CAB39L: variants seen among roughly 807,000 people sequenced by gnomAD.
CAB39L encodes the protein calcium binding protein 39 like.
A neutral mutation model predicts 39.1 loss-of-function variants in CAB39L; 23 were observed. The observed-to-expected ratio is 0.59, with a 90% CI of 0.42 to 0.83. The LOEUF (loss-of-function observed/expected upper bound fraction) is 0.83. Among genes scored for constraint, CAB39L ranks in the 40% least tolerant of loss-of-function variants. The pLI, the probability that CAB39L is intolerant of heterozygous loss-of-function variation, is 0.00. For synonymous variants in CAB39L, 126 were observed against 137.2 expected, an observed-to-expected ratio of 0.92 and a Z score of 0.57; for missense variants, 366 against 391.9, an observed-to-expected ratio of 0.93 and a Z score of 0.56.
intron 6 of CAB39L, among the ~76,000 whole-genome samples, chr13:49,353,966 T>G (rs926761982): frequency 6.6e-6 from 1 of 152,218 alleles, no homozygotes; most frequent in Non-Finnish European, 1.5e-5. Context: ...GTCTTAATAC[T>G]AGAGTACTCT....
chr13:49,314,006 C>A (rs1174258425), intron 10 of CAB39L, among the ~76,000 whole-genome samples: 1 of 152,214 alleles, frequency 6.6e-6, no homozygotes, highest in East Asian at 1.9e-4. Context: ...GATGACATTA[C>A]ATTTCCGGGT....
At chr13:49,339,837 C>T (rs1954954766) in intron 8 of CAB39L, 95 bp from the exon 9 acceptor site, 36 of 1,288,698 alleles carry the variant, frequency 2.8e-5, no homozygotes, top group Non-Finnish European at 3.6e-5. Context: ...AAATTCCCAA[C>T]TTCTGGCCAT....
At chr13:49,435,586 C>T (rs979095268) in intron 1 of CAB39L, among the ~76,000 whole-genome samples, 11 of 152,106 alleles carry the variant, frequency 7.2e-5, no homozygotes, top group Admixed American at 2.6e-4. Context: ...CTGCAGCCTC[C>T]GCCTCCCAGG....
rs34379188 is a variant in CAB39L, at chr13:49,349,455, CATATAT to C, written c.564+1283_564+1288del. 1.6e-3 allele frequency among the ~76,000 whole-genome samples: 233 copies of C among 141,806 alleles called. 1 individual carries two copies. Among genetic ancestry groups the C allele is most frequent in the African/African-American group, 5.5e-3 (213 of 38,878 alleles). 93.0% of individuals were successfully genotyped at this position (141,806 alleles called of 152,430 possible). A position where few individuals can be genotyped will look rare whatever the true frequency, so the allele number is the denominator to read the frequency against. Reference sequence around the variant, plus strand: ...GCTTTTGAAGAAATGAATCTGAATACATATATATATATATATATATATACATTTAAA... The same window carrying C: ...GCTTTTGAAGAAATGAATCTGAATACATATATATATATATATACATTTAAA... On this transcript the variant is annotated intron_variant, in intron 7 of 10. Coordinates refer to ENST00000409308, the MANE Select transcript of CAB39L (RefSeq NM_001079670.3).
intron 8 of CAB39L, among the ~76,000 whole-genome samples, chr13:49,342,493 G>A (rs946618158): frequency 6.6e-6 from 1 of 152,028 alleles, no homozygotes; most frequent in South Asian, 2.1e-4. Context: ...GAACTTCTTG[G>A]TTTAGGCATC....
chr13:49,389,162 G>A (rs1365713461), intron 3 of CAB39L, among the ~76,000 whole-genome samples: 4 of 152,140 alleles, frequency 2.6e-5, no homozygotes, highest in African/African-American at 9.7e-5. Context: ...CGGTGTGGAT[G>A]ATATGCCAAA....
intron 10 of CAB39L, among the ~76,000 whole-genome samples, chr13:49,316,706 G>C (rs563297893): frequency 6.6e-6 from 1 of 152,326 alleles, no homozygotes; most frequent in African/African-American, 2.4e-5. Context: ...CACATGTACT[G>C]GGTTAAACTG....
chr13:49,433,148 C>G (rs1282216482), intron 3 of CAB39L, among the ~76,000 whole-genome samples, 170 bp downstream of exon 3: 1 of 152,234 alleles, frequency 6.6e-6, no homozygotes, highest in East Asian at 1.9e-4. Flanking sequence ...TTCAGGCTCT[C>G]TAGTCTATCA....
intron 1 of CAB39L, among the ~76,000 whole-genome samples, chr13:49,438,969 T>A (rs1324704484): frequency 6.6e-6 from 1 of 152,230 alleles, no homozygotes; most frequent in Non-Finnish European, 1.5e-5. Context: ...GTATATTCAG[T>A]GTTACATAAA....
chr13:49,369,369 C>G (rs1298539390), intron 5 of CAB39L, among the ~76,000 whole-genome samples: 1 of 152,218 alleles, frequency 6.6e-6, no homozygotes, highest in Non-Finnish European at 1.5e-5. Flanking sequence ...CAATGGACTA[C>G]TACTCAGCAA....
intron 3 of CAB39L, among the ~76,000 whole-genome samples, chr13:49,420,764 T>C (rs1396248451): frequency 6.6e-6 from 1 of 152,222 alleles, no homozygotes; most frequent in Non-Finnish European, 1.5e-5. Context: ...TTAGAAATGC[T>C]AAGCATCAGT....
At chr13:49,443,565 C>T (rs1747358079) in intron 1 of CAB39L, among the ~76,000 whole-genome samples, 1 of 152,118 alleles carries the variant, frequency 6.6e-6, no homozygotes. Flanking sequence ...AGCTTTGCTC[C>T]TTTCTCAATC....
rs529886690 is a variant in CAB39L, at chr13:49,310,698, C to G, written c.*116G>C. ...ATACTCCATCTACCCAGAACAATTA[C>G]AGCAGAAAAAATAGGCACCTCCAAA... On this transcript the variant is annotated 3_prime_UTR_variant, in exon 11 of 11. Coordinates refer to ENST00000409308, the MANE Select transcript of CAB39L (RefSeq NM_001079670.3). 1.0e-6 allele frequency: 1 copy of G among 998,140 alleles called. No homozygotes were observed. The highest frequency in any genetic ancestry group is 2.4e-5 in the East Asian group (1 of 41,478). The allele number at this position is 998,140 out of a possible 1,614,324, so 61.8% of individuals were successfully genotyped here. A position where few individuals can be genotyped will look rare whatever the true frequency, so the allele number is the denominator to read the frequency against.
intron 3 of CAB39L, among the ~76,000 whole-genome samples, chr13:49,419,944 C>A (rs1011201808): frequency 1.3e-5 from 2 of 152,110 alleles, no homozygotes; most frequent in African/African-American, 4.8e-5. Flanking sequence ...TCAAAAGAAT[C>A]AATAAACAGT....
intron 3 of CAB39L, among the ~76,000 whole-genome samples, chr13:49,392,198 A>G (rs1956502719): frequency 6.6e-6 from 1 of 152,226 alleles, no homozygotes; most frequent in Non-Finnish European, 1.5e-5. Context: ...CAGTGTATGT[A>G]ATAGACATAA....
At chr13:49,348,717 C>T (rs899122306) in intron 7 of CAB39L, among the ~76,000 whole-genome samples, 2 of 152,210 alleles carry the variant, frequency 1.3e-5, no homozygotes, top group Non-Finnish European at 2.9e-5. Context: ...TATTCTCCCT[C>T]CAGAGTTCTT....
intron 3 of CAB39L, among the ~76,000 whole-genome samples, chr13:49,425,857 A>G (rs1011653676): frequency 6.6e-6 from 1 of 152,200 alleles, no homozygotes; most frequent in African/African-American, 2.4e-5. Context: ...TCCATCTTCC[A>G]GGTTCAGCCC....
intron 3 of CAB39L, among the ~76,000 whole-genome samples, chr13:49,430,716 T>C (rs886575197): frequency 4.6e-5 from 7 of 152,226 alleles, no homozygotes; most frequent in African/African-American, 7.2e-5. Context: ...AGGTGAGTTG[T>C]CTGGTCTCAG....
chr13:49,434,105 T>C lies in CAB39L; in HGVS notation c.-127A>G, dbSNP rs1957370082. Reference sequence around the variant, plus strand: ...ACTTACGCTTCTCTCCTTTAGTGCATTGCTCTTGCATGAAGAATGAACAAA... The same window carrying C: ...ACTTACGCTTCTCTCCTTTAGTGCACTGCTCTTGCATGAAGAATGAACAAA... On this transcript the variant is annotated 5_prime_UTR_variant, in exon 2 of 11. It removes an upstream start codon present in the reference 5' UTR. Coordinates refer to ENST00000409308, the MANE Select transcript of CAB39L (RefSeq NM_001079670.3). The C allele has an allele frequency of 2.2e-6, 1 of 455,662 alleles. No individual in the cohort carries two copies. 28.2% of individuals were successfully genotyped at this position (455,662 alleles called of 1,614,324 possible).
Sources: gnomAD v4.1 joint callset for allele counts (sites outside exome capture counted in the v4.1 genomes callset) on GRCh38, gnomAD v4.1.1 for gene constraint, MANE v1.5 for transcripts, NCBI Gene and HGNC (gene_info 2026-07-23, HGNC 2026-07-21) for gene names.